The following GADL1 variants were observed in gnomAD, a reference collection of about 807,000 sequenced individuals.
GADL1 encodes the protein GAD like acidic amino acid decarboxylase 1, also known as acidic amino acid decarboxylase GADL1.
Under a neutral mutation model 69.5 loss-of-function variants are expected in GADL1, and 71 were observed. That is an observed-to-expected ratio of 1.02 (90% CI 0.84 to 1.25). The LOEUF (loss-of-function observed/expected upper bound fraction) is 1.25. Ranked by LOEUF, GADL1 falls within the 50% of genes most tolerant of loss-of-function variation. The pLI, the probability that GADL1 is intolerant of heterozygous loss-of-function variation, is 0.00. For missense variants in GADL1, 737 were observed against 631.8 expected (o/e 1.17, Z -1.79); for synonymous variants, 254 against 214.4 (o/e 1.18, Z -1.62).
intron 11 of GADL1, among the ~76,000 whole-genome samples, chr3:30,821,591 G>C (rs1391319689): frequency 1.3e-5 from 2 of 151,750 alleles, no homozygotes; most frequent in African/African-American, 2.4e-5. Context: ...AATATTACTA[G>C]GTTGGAAGGC....
intron 13 of GADL1, among the ~76,000 whole-genome samples, chr3:30,785,388 T>A (rs9846346): frequency 7.6e-6 from 1 of 130,766 alleles, no homozygotes; most frequent in African/African-American, 4.0e-5. Context: ...TTTTCTTTTT[T>A]TTTTTTTCCC....
chr3:30,749,857 T>C (rs910682300), intron 14 of GADL1, among the ~76,000 whole-genome samples: 3 of 152,170 alleles, frequency 2.0e-5, no homozygotes, highest in Non-Finnish European at 4.4e-5. Flanking sequence ...ACAACTATGA[T>C]ATAAAATGAA....
chr3:30,787,109 G>T (rs967217476), intron 12 of GADL1, among the ~76,000 whole-genome samples: 5 of 152,116 alleles, frequency 3.3e-5, no homozygotes, highest in African/African-American at 1.2e-4. Flanking sequence ...ATACCTGGGT[G>T]GTGGGTTAAG....
chr3:30,730,695 TTAAATA>T (rs1343385882), intron 14 of GADL1, among the ~76,000 whole-genome samples: 8 of 152,162 alleles, frequency 5.3e-5, no homozygotes, highest in Non-Finnish European at 1.2e-4. Flanking sequence ...CATTAAAAAT[TTAAATA>T]TAAAGATACA....
chr3:30,761,540 AATT>A (rs1450235324), intron 14 of GADL1, among the ~76,000 whole-genome samples: 6 of 152,166 alleles, frequency 3.9e-5, no homozygotes, highest in African/African-American at 9.7e-5. Flanking sequence ...TAGTGCAAAG[AATT>A]ATTGAGTAAG....
rs1559494071 is a variant in GADL1, at chr3:30,768,568, GGGA to G, written c.1392+9608_1392+9610del. Among the ~76,000 whole-genome samples the G allele has an allele frequency of 2.3e-3, 351 of 149,410 alleles. 2 individuals are homozygous for G. Among genetic ancestry groups the G allele is most frequent in the African/African-American group, 8.1e-3 (334 of 41,134 alleles). ...AGAAGAGGGGGAGAGAGAAGGGGTG[GGGA>G]GGGGGAGGAGAGGCGGAGAAGGAAG... On this transcript the variant is annotated intron_variant, in intron 14 of 14. Coordinates refer to ENST00000282538, the MANE Select transcript of GADL1 (RefSeq NM_207359.3).
chr3:30,751,159 C>G (rs1271866812), intron 14 of GADL1, among the ~76,000 whole-genome samples: 1 of 151,450 alleles, frequency 6.6e-6, no homozygotes, highest in East Asian at 1.9e-4. Flanking sequence ...GATAACAAGA[C>G]AGGAGTTTCC....
At chr3:30,810,469 T>C (rs942425683) in intron 11 of GADL1, among the ~76,000 whole-genome samples, 2 of 152,176 alleles carry the variant, frequency 1.3e-5, no homozygotes, top group Non-Finnish European at 2.9e-5. Context: ...TTTGGCCCTT[T>C]GGTTGATATG....
At chr3:30,775,912 C>G (rs1017436524) in intron 14 of GADL1, among the ~76,000 whole-genome samples, 2 of 152,066 alleles carry the variant, frequency 1.3e-5, no homozygotes, top group Non-Finnish European at 2.9e-5. Flanking sequence ...TGGTGAAACC[C>G]CATCTCGACA....
intron 12 of GADL1, among the ~76,000 whole-genome samples, chr3:30,793,073 C>T (rs951363): frequency 0.83 from 125,846 of 152,142 alleles, 52,321 homozygotes; most frequent in African/African-American, 0.9. Context: ...TACTTCGAAT[C>T]TCTAGGAGAG....
rs1281797088 is a variant in GADL1, at chr3:30,857,141, C to T, written c.211G>A (p.Val71Met). The change falls in exon 3 of 15, where the codon GTG becomes ATG. Residue 71 changes from valine (V) to methionine (M), a missense_variant and splice_region_variant. Transcript: ENST00000282538. ...TGTTCAGGAGGCCTCCATTCACACA[C>T]CTGGAGATTCAACCACAACACAAAT... ...VLKATDVNEK[V>M]CEWRPPEQLK... 6 of 1,549,782 alleles carry T rather than the reference C, an allele frequency of 3.9e-6. No individual in the cohort carries two copies. The highest frequency in any genetic ancestry group is 5.2e-6 in the Non-Finnish European group (6 of 1,145,710).
At position 30,741,330 on chromosome 3, in the gene GADL1, A is replaced by G. The variant is rs952056459; in HGVS notation, c.1393-12915T>C. ...ACACTTAAACTTTTAATCCATTTAA[A>G]CATTCAATTTTTTACCTTGCATAGA... On this transcript the variant is annotated intron_variant, in intron 14 of 14. Coordinates refer to ENST00000282538, the MANE Select transcript of GADL1 (RefSeq NM_207359.3). Among the ~76,000 whole-genome samples, 6 of 151,400 alleles carry G rather than the reference A, an allele frequency of 4.0e-5. No homozygotes were observed. The East Asian group carries it at 5.8e-4, about 15-fold the overall frequency.
At chr3:30,844,125 C>T (rs1698014629) in intron 8 of GADL1, 85 bp downstream of exon 8, 3 of 1,010,502 alleles carry the variant, frequency 3.0e-6, no homozygotes, top group South Asian at 3.0e-5. Flanking sequence ...GCATTCTCTC[C>T]TTGCTATTCC....
chr3:30,756,350 TTG>T (rs1311131026), intron 14 of GADL1, among the ~76,000 whole-genome samples: 5 of 152,076 alleles, frequency 3.3e-5, no homozygotes, highest in Non-Finnish European at 7.4e-5. Context: ...CCAAGTGAGA[TTG>T]TGGATGTGTA....
intron 7 of GADL1, 27 bp downstream of exon 7, chr3:30,844,360 C>T (rs1356529671): frequency 6.3e-7 from 1 of 1,589,346 alleles, no homozygotes; most frequent in South Asian, 1.1e-5. Flanking sequence ...CTCCACCCAC[C>T]AGGCTTCCAG....
Position 30,727,110 on chromosome 3 carries a change from C to T in GADL1, c.*1132G>A, listed in dbSNP as rs1695378633. The T allele has an allele frequency of 6.7e-6, 1 of 148,798 alleles. No individual in the cohort carries two copies. The highest frequency in any genetic ancestry group is 1.5e-5 in the Non-Finnish European group (1 of 66,738). 9.2% of individuals were successfully genotyped at this position (148,798 alleles called of 1,614,324 possible). A position where few individuals can be genotyped will look rare whatever the true frequency, so the allele number is the denominator to read the frequency against. ...TATATATATATATACTATACACACA[C>T]ATATGTATGTGTGTGTATATATATA... On this transcript the variant is annotated 3_prime_UTR_variant, in exon 15 of 15. Coordinates refer to ENST00000282538, the MANE Select transcript of GADL1 (RefSeq NM_207359.3).
chr3:30,773,602 CCT>C (rs1300335403), intron 14 of GADL1, among the ~76,000 whole-genome samples: 1 of 152,024 alleles, frequency 6.6e-6, no homozygotes, highest in Non-Finnish European at 1.5e-5. Flanking sequence ...GTTTTAAACC[CCT>C]TTTTAATATG....
intron 1 of GADL1, among the ~76,000 whole-genome samples, chr3:30,863,027 T>TCTCACACACA (rs1553603176): frequency 9.1e-6 from 1 of 110,142 alleles, no homozygotes; most frequent in Non-Finnish European, 2.1e-5. Flanking sequence ...CATGTCTGTT[T>TCTCACACACA]CACACACACA....
At chr3:30,875,918 C>G (rs879849361) in intron 1 of GADL1, among the ~76,000 whole-genome samples, 1 of 151,924 alleles carries the variant, frequency 6.6e-6, no homozygotes, top group African/African-American at 2.4e-5. Context: ...TTCACTATCA[C>G]AGTTTGGCAA....
Sources: allele counts gnomAD v4.1 joint callset (sites outside exome capture counted in the v4.1 genomes callset), GRCh38; gene constraint gnomAD v4.1.1; transcripts MANE v1.5; gene names NCBI Gene and HGNC (gene_info 2026-07-23, HGNC 2026-07-21).